PDE7A: variants seen among roughly 807,000 people sequenced by gnomAD.
The protein encoded by PDE7A is high affinity 3',5'-cyclic-AMP phosphodiesterase 7A.
A neutral mutation model predicts 64.3 loss-of-function variants in PDE7A; 39 were observed. The observed-to-expected ratio is 0.61, with a 90% CI of 0.47 to 0.79. PDE7A has a LOEUF of 0.79. PDE7A is among the 30% of genes least tolerant of loss of function. PDE7A has a pLI of 0.00. For synonymous variants in PDE7A, 203 were observed against 206.8 expected (o/e 0.98, Z 0.16); for missense variants, 470 against 582.8 (o/e 0.81, Z 1.99).
At position 65,811,474 on chromosome 8, in the gene PDE7A, A is replaced by C. The variant is rs146744212; in HGVS notation, c.139-28631T>G. 5.9e-3 allele frequency among the ~76,000 whole-genome samples: 894 copies of C among 152,340 alleles called. 9 individuals carry two copies. Among genetic ancestry groups the C allele is most frequent in the African/African-American group, 0.02 (845 of 41,572 alleles). ...CCTCCCATTGGCCAACCCAACGAGA[A>C]GCCAGACGGCATGAGAGGCTGGATG... is the stretch of plus-strand genomic sequence containing the variant. On this transcript the variant is annotated intron_variant, in intron 1 of 12. Coordinates refer to ENST00000401827, the MANE Select transcript of PDE7A (RefSeq NM_001242318.3).
intron 3 of PDE7A, among the ~76,000 whole-genome samples, chr8:65,750,678 T>C (rs570245043): frequency 7.9e-5 from 12 of 152,266 alleles, no homozygotes; most frequent in African/African-American, 2.2e-4. Context: ...GTTAAGTCAA[T>C]TGGTACTGTC....
At chr8:65,822,067 G>A (rs1230032496) in intron 1 of PDE7A, among the ~76,000 whole-genome samples, 1 of 152,140 alleles carries the variant, frequency 6.6e-6, no homozygotes, top group Non-Finnish European at 1.5e-5. Flanking sequence ...ATGTTGACCT[G>A]GGGTTATGTC....
chr8:65,841,339 C>A, intron 1 of PDE7A, 32 bp downstream of exon 1: 2 of 1,496,538 alleles, frequency 1.3e-6, no homozygotes, highest in Non-Finnish European at 1.8e-6. Context: ...AAGAGAGAAG[C>A]CCTCAAGTGT....
chr8:65,719,252 A>T lies in PDE7A; in HGVS notation c.*38T>A. The T allele has an allele frequency of 1.4e-6, 2 of 1,459,842 alleles. No homozygotes were observed. Among genetic ancestry groups the T allele is most frequent in the Non-Finnish European group, 1.9e-6 (2 of 1,039,552 alleles). The allele number at this position is 1,459,842 out of a possible 1,614,324, so 90.4% of individuals were successfully genotyped here. A position where few individuals can be genotyped will look rare whatever the true frequency, so the allele number is the denominator to read the frequency against. The stretch of plus-strand genomic sequence containing the variant: ...CAAGACCCCATTTCACATTTCTAAA[A>T]ACCTCCAGGAGGCAGTTTGTCCCAC... On this transcript the variant is annotated 3_prime_UTR_variant, in exon 13 of 13. Transcript: ENST00000401827.
chr8:65,785,098 T>C (rs1377554791), intron 1 of PDE7A, among the ~76,000 whole-genome samples: 1 of 152,176 alleles, frequency 6.6e-6, no homozygotes, highest in Non-Finnish European at 1.5e-5. Context: ...TTAATGCTTA[T>C]CTTTTAAGAG....
At chr8:65,788,337 G>A (rs907924948) in intron 1 of PDE7A, among the ~76,000 whole-genome samples, 1 of 152,170 alleles carries the variant, frequency 6.6e-6, no homozygotes, top group Non-Finnish European at 1.5e-5. Flanking sequence ...CTGACATTTA[G>A]AATTCAACTT....
intron 6 of PDE7A, among the ~76,000 whole-genome samples, chr8:65,735,820 T>A (rs946502497): frequency 6.6e-6 from 1 of 152,174 alleles, no homozygotes; most frequent in Admixed American, 6.5e-5. Context: ...CAATGGGGTT[T>A]CACCATGTTG....
At chr8:65,723,373 G>A (rs947197700) in intron 12 of PDE7A, 168 bp downstream of exon 12, 6 of 536,300 alleles carry the variant, frequency 1.1e-5, no homozygotes. Flanking sequence ...AAAATTAAAT[G>A]AGAATTAGAA....
intron 3 of PDE7A, among the ~76,000 whole-genome samples, chr8:65,753,625 T>A (rs771947512): frequency 6.6e-6 from 1 of 152,062 alleles, no homozygotes; most frequent in Non-Finnish European, 1.5e-5. Flanking sequence ...TTGAGTACTC[T>A]GTGTCTGTTA....
chr8:65,841,546 T>C lies in PDE7A; in HGVS notation c.-38A>G. On this transcript the variant is annotated 5_prime_UTR_variant, in exon 1 of 13. Transcript: ENST00000401827. ...CCCTGCCTCCGCGCGGCGCCCGCCCTGCCGCGGCCGCCGGCCCCTGCAGTG... is the reference window on the plus strand; with the variant it reads ...CCCTGCCTCCGCGCGGCGCCCGCCCCGCCGCGGCCGCCGGCCCCTGCAGTG... 1 of 1,354,186 alleles carries C rather than the reference T, an allele frequency of 7.4e-7. No homozygotes were observed. Among genetic ancestry groups the C allele is most frequent in the South Asian group, 1.8e-5 (1 of 57,016 alleles). 83.9% of individuals were successfully genotyped at this position (1,354,186 alleles called of 1,614,324 possible).
chr8:65,727,304 G>GGTTCCTTT lies in PDE7A; in HGVS notation c.697-4_697-3insAAAGGAAC. 6 of 1,611,726 alleles carry GGTTCCTTT rather than the reference G, an allele frequency of 3.7e-6. No individual in the cohort carries two copies. The highest frequency in any genetic ancestry group is 1.3e-5 in the African/African-American group (1 of 74,958). On this transcript the variant is annotated splice_region_variant and splice_polypyrimidine_tract_variant and intron_variant, in intron 7 of 12. Transcript: ENST00000401827. The stretch of plus-strand genomic sequence containing the variant: ...CAAGGAGTTACAGAATTGGCAAGCT[G>GGTTCCTTT]AAGTGTGACAAAAGAATAATGAATC...
At chr8:65,817,854 G>A (rs1315773038) in intron 1 of PDE7A, among the ~76,000 whole-genome samples, 1 of 149,074 alleles carries the variant, frequency 6.7e-6, no homozygotes, top group African/African-American at 2.5e-5. Flanking sequence ...CCGGGTTCAC[G>A]CCATTCTCCT....
intron 3 of PDE7A, chr8:65,765,767 T>C (rs1223518714): frequency 2.6e-5 from 4 of 152,262 alleles, no homozygotes; most frequent in Non-Finnish European, 5.9e-5. Context: ...TTAATAATCA[T>C]GCCAGAATTG....
Position 65,714,691 on chromosome 8 carries a change from AC to A in PDE7A, c.*4598del, listed in dbSNP as rs1021547681. On this transcript the variant is annotated 3_prime_UTR_variant, in exon 13 of 13. Transcript: ENST00000401827. Reference sequence around the variant, plus strand: ...GAGATACCGATTGAGGGGATTTTAAACAACATTTATACATTAAAATATTTAT... The same window carrying A: ...GAGATACCGATTGAGGGGATTTTAAAAACATTTATACATTAAAATATTTAT... The A allele has an allele frequency of 6.6e-6, 1 of 152,194 alleles. No homozygotes were observed. The highest frequency in any genetic ancestry group is 1.5e-5 in the Non-Finnish European group (1 of 68,024). 9.4% of individuals were successfully genotyped at this position (152,194 alleles called of 1,614,324 possible).
chr8:65,753,774 G>T (rs537925184), intron 3 of PDE7A, among the ~76,000 whole-genome samples: 4 of 152,116 alleles, frequency 2.6e-5, no homozygotes, highest in African/African-American at 9.6e-5. Context: ...GTCAAATTTT[G>T]CTTCATATAT....
At chr8:65,797,060 T>A (rs1236998889) in intron 1 of PDE7A, among the ~76,000 whole-genome samples, 2 of 152,094 alleles carry the variant, frequency 1.3e-5, no homozygotes. Flanking sequence ...AAATGAAATT[T>A]TAAAAATACC....
intron 7 of PDE7A, among the ~76,000 whole-genome samples, chr8:65,730,167 A>G (rs1255682537): frequency 1.0e-4 from 3 of 29,172 alleles, no homozygotes; most frequent in Non-Finnish European, 2.0e-4. Flanking sequence ...CAGGTTGCGC[A>G]CTTCTTTTTT....
chr8:65,749,717 A>T (rs1477262792), intron 3 of PDE7A, among the ~76,000 whole-genome samples: 7 of 152,224 alleles, frequency 4.6e-5, no homozygotes, highest in East Asian at 1.9e-4. Context: ...AAGAAATTAA[A>T]TAACTTTCCT....
intron 7 of PDE7A, among the ~76,000 whole-genome samples, chr8:65,733,495 CCT>C (rs1806992036): frequency 6.6e-6 from 1 of 151,806 alleles, no homozygotes; most frequent in African/African-American, 2.4e-5. Context: ...AGAGTGAGAC[CCT>C]GTCTCTACAA....
Sources: gnomAD v4.1 joint callset for allele counts (sites outside exome capture counted in the v4.1 genomes callset) on GRCh38, gnomAD v4.1.1 for gene constraint, MANE v1.5 for transcripts, NCBI Gene and HGNC (gene_info 2026-07-23, HGNC 2026-07-21) for gene names.